The following PCDH9 variants were observed in gnomAD, a reference collection of about 807,000 sequenced individuals.
PCDH9 encodes the protein protocadherin-9.
A neutral mutation model predicts 70.6 loss-of-function variants in PCDH9; 24 were observed. The ratio of observed to expected loss-of-function variants is 0.34; its 90% confidence interval spans 0.25 to 0.48. PCDH9 has a LOEUF of 0.48. Ranked by LOEUF, PCDH9 falls within the 20% of genes least tolerant of loss-of-function variation. PCDH9 has a pLI of 0.99. For synonymous variants in PCDH9, 562 were observed against 558.5 expected, an observed-to-expected ratio of 1.01 and a Z score of -0.09; for missense variants, 1,281 against 1,503.6, an observed-to-expected ratio of 0.85 and a Z score of 2.45.
chr13:67,219,287 T>C (rs2089673635), intron 2 of PCDH9: 1 of 152,004 alleles, frequency 6.6e-6, no homozygotes, highest in Admixed American at 6.6e-5. Context: ...TGGTAATAAA[T>C]CTTTTTTGTT....
chr13:66,737,857 T>C (rs2079180230), intron 3 of PCDH9, among the ~76,000 whole-genome samples: 2 of 151,896 alleles, frequency 1.3e-5, no homozygotes, highest in South Asian at 4.2e-4. Flanking sequence ...GCCCATGGAA[T>C]CTCGTTGATT....
intron 4 of PCDH9, among the ~76,000 whole-genome samples, chr13:66,397,437 CAT>C (rs1416343440): frequency 1.0e-4 from 14 of 139,010 alleles, no homozygotes; most frequent in Admixed American, 9.3e-4. Flanking sequence ...TGTGTGTATA[CAT>C]ATATGTGTGT....
chr13:66,743,990 G>T (rs916259018), intron 3 of PCDH9, among the ~76,000 whole-genome samples: 2 of 152,074 alleles, frequency 1.3e-5, no homozygotes, highest in African/African-American at 4.8e-5. Context: ...AATGTAAATG[G>T]GAAAGGGCAG....
At chr13:66,772,751 T>C (rs1033486349) in intron 3 of PCDH9, among the ~76,000 whole-genome samples, 4 of 152,086 alleles carry the variant, frequency 2.6e-5, no homozygotes, top group Admixed American at 2.6e-4. Flanking sequence ...AATATTTTGA[T>C]TGTTTATTCT....
chr13:66,676,559 T>A (rs2078245762), intron 3 of PCDH9, among the ~76,000 whole-genome samples: 1 of 152,146 alleles, frequency 6.6e-6, no homozygotes, highest in Admixed American at 6.6e-5. Context: ...TTGCTTAATA[T>A]CCATGACAGG....
intron 3 of PCDH9, among the ~76,000 whole-genome samples, chr13:66,862,468 C>G (rs1323539034): frequency 1.3e-5 from 2 of 152,188 alleles, no homozygotes; most frequent in Non-Finnish European, 2.9e-5. Context: ...AAAAGATTTA[C>G]ATTCCCTGCA....
At chr13:66,752,961 CA>C (rs902742626) in intron 3 of PCDH9, among the ~76,000 whole-genome samples, 33 of 152,190 alleles carry the variant, frequency 2.2e-4, no homozygotes, top group African/African-American at 7.9e-4. Flanking sequence ...TTGAGACACT[CA>C]AAAGGAGTTC....
At chr13:66,722,967 C>CA (rs1210244459) in intron 3 of PCDH9, among the ~76,000 whole-genome samples, 1,956 of 73,270 alleles carry the variant, frequency 0.027, 27 homozygotes, top group Admixed American at 0.051. Flanking sequence ...GACTGCATCT[C>CA]AAAAAAAAAA....
intron 2 of PCDH9, among the ~76,000 whole-genome samples, chr13:66,963,362 G>A (rs561190264): frequency 1.2e-4 from 18 of 152,252 alleles, no homozygotes; most frequent in African/African-American, 2.4e-4. Flanking sequence ...GAAGAGAGGC[G>A]CAAAACATTG....
chr13:67,111,516 T>C (rs920482627), intron 2 of PCDH9, among the ~76,000 whole-genome samples: 8 of 152,166 alleles, frequency 5.3e-5, no homozygotes, highest in African/African-American at 1.2e-4. Context: ...ATCACGAAAA[T>C]AGTTACTAAG....
chr13:66,686,946 T>A (rs1361411029), intron 3 of PCDH9, among the ~76,000 whole-genome samples: 1 of 152,168 alleles, frequency 6.6e-6, no homozygotes, highest in Non-Finnish European at 1.5e-5. Context: ...AAATGGACCT[T>A]TTATCAAAGA....
At chr13:67,016,684 T>C (rs1346115144) in intron 2 of PCDH9, among the ~76,000 whole-genome samples, 1 of 152,186 alleles carries the variant, frequency 6.6e-6, no homozygotes, top group African/African-American at 2.4e-5. Flanking sequence ...CACTGACCCA[T>C]CACATCACCA....
chr13:66,665,109 C>CTCTT (rs1555318993), intron 3 of PCDH9, among the ~76,000 whole-genome samples: 13 of 29,164 alleles, frequency 4.5e-4, no homozygotes, highest in African/African-American at 1.8e-3. Flanking sequence ...CTTTTCTCTC[C>CTCTT]TTTTTTTTTT....
chr13:66,745,619 A>C (rs897132641), intron 3 of PCDH9, among the ~76,000 whole-genome samples: 2 of 152,174 alleles, frequency 1.3e-5, no homozygotes, highest in African/African-American at 4.8e-5. Context: ...TGCCACTCAC[A>C]TGGCTGTGTT....
intron 4 of PCDH9, among the ~76,000 whole-genome samples, chr13:66,462,365 A>T (rs573447000): frequency 6.6e-6 from 1 of 152,040 alleles, no homozygotes; most frequent in East Asian, 1.9e-4. Context: ...TGCCGTTATC[A>T]GAAATAAGGA....
chr13:66,669,661 G>T (rs1164924163), intron 3 of PCDH9, among the ~76,000 whole-genome samples: 1 of 152,026 alleles, frequency 6.6e-6, no homozygotes, highest in Non-Finnish European at 1.5e-5. Context: ...AGACAAAAGG[G>T]AATATTTATT....
At chr13:66,682,623 T>TA (rs1283171557) in intron 3 of PCDH9, among the ~76,000 whole-genome samples, 2 of 152,100 alleles carry the variant, frequency 1.3e-5, no homozygotes, top group Non-Finnish European at 2.9e-5. Flanking sequence ...TACTGAGAGT[T>TA]AAAAAAACAT....
rs140823925 is a variant in PCDH9, at chr13:67,120,325, A to G, written c.3036+105080T>C. ...CATATAATTTATAACCAAATTTTCT[A>G]TGTGTGCCGGCCACCTCTGTGGATG... On this transcript the variant is annotated intron_variant, in intron 2 of 4. Coordinates refer to ENST00000377865, the MANE Select transcript of PCDH9 (RefSeq NM_203487.3). Among the ~76,000 whole-genome samples, 17 of 152,116 alleles carry G rather than the reference A, an allele frequency of 1.1e-4. No individual in the cohort carries two copies. The East Asian group carries it at 2.5e-3, about 22-fold the overall frequency.
At chr13:66,493,862 C>T (rs1427336946) in intron 4 of PCDH9, among the ~76,000 whole-genome samples, 1 of 151,846 alleles carries the variant, frequency 6.6e-6, no homozygotes, top group Non-Finnish European at 1.5e-5. Flanking sequence ...CCTATGATGC[C>T]ACATATATAT....
Sources: allele counts gnomAD v4.1 joint callset (sites outside exome capture counted in the v4.1 genomes callset), GRCh38; gene constraint gnomAD v4.1.1; transcripts MANE v1.5; gene names NCBI Gene and HGNC (gene_info 2026-07-23, HGNC 2026-07-21).